The following RBM34 variants were observed in gnomAD, a reference collection of about 807,000 sequenced individuals.
RBM34 encodes RNA binding motif protein 34.
RBM34 carries 39 observed loss-of-function variants against 44.6 expected under a neutral mutation model. The observed-to-expected ratio is 0.87, with a 90% CI of 0.68 to 1.14. RBM34 has a LOEUF of 1.14. Among genes scored for constraint, RBM34 ranks in the 50% most tolerant of loss-of-function variants. The pLI, the probability that RBM34 is intolerant of heterozygous loss-of-function variation, is 0.00. For missense variants in RBM34, 572 were observed against 517.9 expected, an observed-to-expected ratio of 1.10 and a Z score of -1.01; for synonymous variants, 194 against 184.0, an observed-to-expected ratio of 1.05 and a Z score of -0.44.
rs559631237 is a variant in RBM34 at position 235,142,860 on chromosome 1, G to A, written c.702-4686C>T. ...GGAGAATCAGTTGAACCCGGGAGGC[G>A]GAGGTTGCAGTGAGCTGGGATCGCA... is the stretch of plus-strand genomic sequence containing the variant. On this transcript the variant is annotated intron_variant, in intron 6 of 10. Coordinates refer to ENST00000408888, the MANE Select transcript of RBM34 (RefSeq NM_015014.4). 8.4e-4 allele frequency among the ~76,000 whole-genome samples: 125 copies of A among 149,682 alleles called. 3 individuals carry two copies. The highest frequency in any genetic ancestry group is 2.6e-3 in the African/African-American group (106 of 40,596).
intron 8 of RBM34, among the ~76,000 whole-genome samples, chr1:235,136,543 G>A (rs1275446991): frequency 1.3e-5 from 2 of 152,104 alleles, no homozygotes; most frequent in Admixed American, 1.3e-4. Flanking sequence ...GCCATAGTTT[G>A]TTGACCCTGT....
chr1:235,159,056 T>C (rs1055760332), intron 3 of RBM34, among the ~76,000 whole-genome samples: 1 of 148,620 alleles, frequency 6.7e-6, no homozygotes, highest in Non-Finnish European at 1.5e-5. Flanking sequence ...CTACAAAACA[T>C]ACAAAAATTA....
intron 6 of RBM34, among the ~76,000 whole-genome samples, chr1:235,145,533 A>C (rs1661868054): frequency 6.6e-6 from 1 of 152,088 alleles, no homozygotes; most frequent in African/African-American, 2.4e-5. Context: ...CCACCTCAGC[A>C]TCCCAAAGTG....
At chr1:235,145,037 C>G (rs1227203667) in intron 6 of RBM34, among the ~76,000 whole-genome samples, 2 of 152,070 alleles carry the variant, frequency 1.3e-5, no homozygotes, top group Non-Finnish European at 2.9e-5. Flanking sequence ...GAGCAAAACT[C>G]CGTCTCAAAA....
intron 6 of RBM34, among the ~76,000 whole-genome samples, chr1:235,144,483 A>G (rs1661819911): frequency 6.9e-6 from 1 of 143,980 alleles, no homozygotes; most frequent in East Asian, 2.0e-4. Context: ...GTTTACTGGA[A>G]GTAGCCTTAA....
intron 3 of RBM34, among the ~76,000 whole-genome samples, chr1:235,155,852 TATATATATATATATAC>T (rs1662408576): frequency 1.7e-4 from 7 of 41,980 alleles, no homozygotes; most frequent in East Asian, 6.7e-4. Context: ...TATATATATA[TATATATATATATATAC>T]ATATATACTT....
intron 5 of RBM34, 65 bp downstream of exon 5, chr1:235,152,641 A>T: frequency 6.4e-7 from 1 of 1,572,468 alleles, no homozygotes; most frequent in Non-Finnish European, 8.6e-7. Flanking sequence ...AACAGCAATA[A>T]GTTCATCTGA....
rs1180825185 is a variant in RBM34 at position 235,154,827 on chromosome 1, A to C, written c.597+54T>G. The C allele has an allele frequency of 1.0e-5, 14 of 1,396,266 alleles. No individual in the cohort carries two copies. The Admixed American group carries it at 2.3e-4, about 23-fold the overall frequency. 86.5% of individuals were successfully genotyped at this position (1,396,266 alleles called of 1,614,324 possible). A position where few individuals can be genotyped will look rare whatever the true frequency, so the allele number is the denominator to read the frequency against. On this transcript the variant is annotated intron_variant, in intron 4 of 10. Coordinates refer to ENST00000408888, the MANE Select transcript of RBM34 (RefSeq NM_015014.4). The stretch of plus-strand genomic sequence containing the variant: ...ACTTACTATTGAATGCTTATTCAAC[A>C]CAGGAAGAACAAAGTTATTAACTTC...
At chr1:235,152,870 C>CT (rs11351017) in intron 4 of RBM34, 105 bp from the exon 5 acceptor site, 83,602 of 589,984 alleles carry the variant, frequency 0.14, 3,951 homozygotes, top group African/African-American at 0.29. Context: ...TACTGCCAGG[C>CT]TTTTTTTTTT....
chr1:235,134,230 C>T (rs1369978335), intron 10 of RBM34, among the ~76,000 whole-genome samples: 1 of 152,116 alleles, frequency 6.6e-6, no homozygotes, highest in East Asian at 1.9e-4. Context: ...CGCCATGTTG[C>T]CCAGGCTAGT....
At chr1:235,145,971 T>C (rs1272041749) in intron 6 of RBM34, among the ~76,000 whole-genome samples, 7 of 140,716 alleles carry the variant, frequency 5.0e-5, no homozygotes, top group Non-Finnish European at 7.6e-5. Flanking sequence ...AGCAGGTTTT[T>C]TTTTTTTTTT....
Position 235,131,739 on chromosome 1 carries a change from G to A in RBM34, c.1267C>T (p.Pro423Ser), listed in dbSNP as rs1661204958. The A allele has an allele frequency of 6.2e-7, 1 of 1,602,090 alleles. No homozygotes were observed. Among genetic ancestry groups the A allele is most frequent in the African/African-American group, 1.4e-5 (1 of 73,884 alleles). The change falls in exon 11 of 11, where the codon CCT becomes TCT. Residue 423 changes from proline to serine, a missense_variant. Coordinates refer to ENST00000408888, the MANE Select transcript of RBM34 (RefSeq NM_015014.4). The stretch of plus-strand genomic sequence containing the variant: ...TATTTCTGTTTTCTCTGTTTCTTAG[G>A]GCGTCCACTTTTCTTCTGTCCTTTC... The part of the protein sequence containing the change: ...KKKGQKKSGR[P>S]KKQRKQK
rs755807240 is a variant in RBM34, at chr1:235,136,060, G to T, written c.863C>A (p.Ser288Ter). 6.3e-7 allele frequency: 1 copy of T among 1,598,260 alleles called. No individual in the cohort carries two copies. Among genetic ancestry groups the T allele is most frequent in the Non-Finnish European group, 8.6e-7 (1 of 1,167,972 alleles). Residue 288 changes from serine to a stop codon, truncating the protein, a stop_gained, in exon 9 of 11, where the codon TCG (serine) becomes TAG (stop). Coordinates refer to ENST00000408888, the MANE Select transcript of RBM34 (RefSeq NM_015014.4). LOFTEE classifies it high-confidence loss of function. ...ASETSSRDKR[S>*]VFVGNLPYKV... ...ATAAGGGAGATTCCCCACAAAAACC[G>T]ATCTCTTGTCTCTCTGAAACAAAAA...
At chr1:235,149,377 A>T (rs1285908274) in intron 5 of RBM34, among the ~76,000 whole-genome samples, 1 of 146,268 alleles carries the variant, frequency 6.8e-6, no homozygotes, top group African/African-American at 2.6e-5. Flanking sequence ...CGACAGAACG[A>T]GACTCCGTCT....
At chr1:235,160,853 G>A in intron 2 of RBM34, 40 bp downstream of exon 2, 1 of 1,607,266 alleles carries the variant, frequency 6.2e-7, no homozygotes. Context: ...TATGTAAGTG[G>A]TTCTAACGAG....
At position 235,131,998 on chromosome 1, in the gene RBM34, C is replaced by A; in HGVS notation, c.1009-1G>T. 6.3e-7 allele frequency: 1 copy of A among 1,578,084 alleles called. No homozygotes were observed. Among genetic ancestry groups the A allele is most frequent in the South Asian group, 1.2e-5 (1 of 86,630 alleles). ...GAGCAAGATGAACAGAATCTGTATT[C>A]TGCAAAAGAAAACACAATACATTAA... On this transcript the variant is annotated splice_acceptor_variant, in intron 10 of 10. Transcript: ENST00000408888. LOFTEE classifies it high-confidence loss of function.
chr1:235,154,762 G>A (rs988288652), intron 4 of RBM34, 119 bp downstream of exon 4: 1 of 817,908 alleles, frequency 1.2e-6, no homozygotes, highest in Non-Finnish European at 2.0e-6. Context: ...TTCATATTAG[G>A]ATGATTTATG....
At position 235,155,013 on chromosome 1, in the gene RBM34, T is replaced by C. The variant is rs1449960426; in HGVS notation, c.465A>G (p.Arg155=). The change falls in exon 4 of 11, where the codon AGA becomes AGG. Residue 155 remains arginine (R), a synonymous_variant. Transcript: ENST00000408888. ...NSQPGVKVAD[R]KILDDTEDTV... ...TGTCTTCTGTGTCATCAAGTATTTT[T>C]CTATCTGCTACTTTAACACCAGGTT... is the stretch of plus-strand genomic sequence containing the variant. 1 of 1,614,120 alleles carries C rather than the reference T, an allele frequency of 6.2e-7. No homozygotes were observed. Among genetic ancestry groups the C allele is most frequent in the Non-Finnish European group, 8.5e-7 (1 of 1,180,002 alleles).
At chr1:235,158,409 G>A (rs1368656356) in intron 3 of RBM34, among the ~76,000 whole-genome samples, 5 of 146,174 alleles carry the variant, frequency 3.4e-5, no homozygotes, top group Non-Finnish European at 6.0e-5. Context: ...ACAGTGAAAC[G>A]CCATCTCAAA....
Sources: allele counts gnomAD v4.1 joint callset (sites outside exome capture counted in the v4.1 genomes callset), GRCh38; gene constraint gnomAD v4.1.1; transcripts MANE v1.5; gene names NCBI Gene and HGNC (gene_info 2026-07-23, HGNC 2026-07-21).